Variants in GRID2 observed in about 807,000 individuals in gnomAD.
The protein encoded by GRID2 is glutamate ionotropic receptor delta type subunit 2.
Under a neutral mutation model 114.8 loss-of-function variants are expected in GRID2, and 33 were observed. That is an observed-to-expected ratio of 0.29 (90% CI 0.22 to 0.38). GRID2 has a LOEUF of 0.38. GRID2 is among the 10% of genes least tolerant of loss of function. The pLI is 1.00. For synonymous variants in GRID2, 505 were observed against 449.9 expected (o/e 1.12, Z -1.55); for missense variants, 1,184 against 1,257.7 (o/e 0.94, Z 0.89).
intron 9 of GRID2, among the ~76,000 whole-genome samples, chr4:93,412,753 A>C (rs1767326121): frequency 6.6e-6 from 1 of 151,122 alleles, no homozygotes; most frequent in Non-Finnish European, 1.5e-5. Context: ...CCCCTTGCCT[A>C]CCCCACTAAC....
At chr4:93,098,544 A>G (rs1560876366) in intron 3 of GRID2, among the ~76,000 whole-genome samples, 2 of 152,028 alleles carry the variant, frequency 1.3e-5, no homozygotes, top group Non-Finnish European at 2.9e-5. Flanking sequence ...TAGTAGGTAA[A>G]TTGTTTTAAT....
At chr4:93,443,212 A>T (rs1721781807) in intron 10 of GRID2, among the ~76,000 whole-genome samples, 1 of 151,986 alleles carries the variant, frequency 6.6e-6, no homozygotes, top group Non-Finnish European at 1.5e-5. Context: ...AGATCGTATT[A>T]CACTCTCCCT....
At chr4:93,114,367 C>G (rs543223743) in intron 4 of GRID2, among the ~76,000 whole-genome samples, 1 of 152,228 alleles carries the variant, frequency 6.6e-6, no homozygotes, top group East Asian at 1.9e-4. Context: ...TGACCCTGAA[C>G]TTTATACTTA....
At chr4:92,453,440 A>G (rs530654360) in intron 1 of GRID2, among the ~76,000 whole-genome samples, 1 of 152,292 alleles carries the variant, frequency 6.6e-6, no homozygotes, top group East Asian at 1.9e-4. Flanking sequence ...TCACGTATGT[A>G]TATTCACATA....
intron 2 of GRID2, among the ~76,000 whole-genome samples, chr4:92,903,571 T>C (rs1285501898): frequency 6.6e-6 from 1 of 151,944 alleles, no homozygotes; most frequent in Admixed American, 6.6e-5. Flanking sequence ...CCATGAATAA[T>C]TATTTTTGGC....
At chr4:92,954,189 ATG>A (rs903794314) in intron 2 of GRID2, among the ~76,000 whole-genome samples, 48 of 151,166 alleles carry the variant, frequency 3.2e-4, no homozygotes, top group African/African-American at 8.0e-4. Flanking sequence ...AAAGCATACT[ATG>A]TGTGTGTGTG....
chr4:93,627,933 G>A (rs1259813912), intron 14 of GRID2, among the ~76,000 whole-genome samples: 1 of 152,164 alleles, frequency 6.6e-6, no homozygotes, highest in Non-Finnish European at 1.5e-5. Flanking sequence ...CAGCACTTTG[G>A]GAGGCCAAGG....
intron 8 of GRID2, among the ~76,000 whole-genome samples, chr4:93,367,520 G>C (rs1379844295): frequency 3.3e-5 from 5 of 152,090 alleles, no homozygotes; most frequent in Admixed American, 3.3e-4. Flanking sequence ...GTTTAAAATA[G>C]CCTGAGAAAG....
At chr4:92,488,233 A>G (rs1722988300) in intron 1 of GRID2, among the ~76,000 whole-genome samples, 1 of 152,198 alleles carries the variant, frequency 6.6e-6, no homozygotes, top group Admixed American at 6.5e-5. Flanking sequence ...AAGTTAAAAG[A>G]GGACACCGGT....
chr4:93,058,149 A>G (rs1256102138), intron 2 of GRID2, among the ~76,000 whole-genome samples: 3 of 74,916 alleles, frequency 4.0e-5, no homozygotes, highest in African/African-American at 1.9e-4. Flanking sequence ...GATTATTAAA[A>G]TTTAATAATA....
Position 92,593,908 on chromosome 4 carries a change from G to A in GRID2, c.244+3622G>A, listed in dbSNP as rs569218850. ...TGGTATCTAGGATGTAGTGTTCTCCGTAAAAAGATAAATACAAAAAGAAAA... is the reference window on the plus strand; with the variant it reads ...TGGTATCTAGGATGTAGTGTTCTCCATAAAAAGATAAATACAAAAAGAAAA... On this transcript the variant is annotated intron_variant, in intron 2 of 15. Transcript: ENST00000282020. Among the ~76,000 whole-genome samples, 28 of 144,130 alleles carry A rather than the reference G, an allele frequency of 1.9e-4. No homozygotes were observed. In the East Asian group the frequency reaches 2.6e-3, roughly 13 times the overall value. The allele number at this position is 144,130 out of a possible 152,430, so 94.6% of individuals were successfully genotyped here. A position where few individuals can be genotyped will look rare whatever the true frequency, so the allele number is the denominator to read the frequency against.
chr4:93,499,829 C>G (rs186588391), intron 12 of GRID2, among the ~76,000 whole-genome samples: 1 of 151,820 alleles, frequency 6.6e-6, no homozygotes, highest in Admixed American at 6.6e-5. Flanking sequence ...ATTTAGTCTT[C>G]GTAATAGCCC....
At chr4:93,534,639 CA>C (rs1345239392) in intron 13 of GRID2, among the ~76,000 whole-genome samples, 4 of 152,136 alleles carry the variant, frequency 2.6e-5, no homozygotes, top group Middle Eastern at 3.4e-3. Context: ...AAATAACCCC[CA>C]AAAAATTAAA....
intron 2 of GRID2, among the ~76,000 whole-genome samples, chr4:93,075,809 T>C (rs952220557): frequency 6.1e-5 from 9 of 148,020 alleles, no homozygotes; most frequent in Non-Finnish European, 1.2e-4. Context: ...TTTGAAAAGC[T>C]AAATAAATGA....
intron 8 of GRID2, among the ~76,000 whole-genome samples, chr4:93,392,405 A>G (rs914634558): frequency 7.2e-5 from 11 of 152,308 alleles, no homozygotes; most frequent in Admixed American, 2.6e-4. Context: ...ATCAAACACT[A>G]TGCCTGTCAT....
At chr4:93,679,001 A>G (rs903094810) in intron 14 of GRID2, among the ~76,000 whole-genome samples, 8 of 151,280 alleles carry the variant, frequency 5.3e-5, no homozygotes, top group Non-Finnish European at 1.2e-4. Flanking sequence ...TAAAGAGTCA[A>G]GACCCATCAG....
chr4:92,313,081 ATGTGTGTGTGTGTGTGTGTGTG>A (rs144557382), intron 1 of GRID2, among the ~76,000 whole-genome samples: 2 of 145,114 alleles, frequency 1.4e-5, no homozygotes, highest in African/African-American at 5.1e-5. Flanking sequence ...AAACTCTGAT[ATGTGTGTGTGTGTGTGTGTGTG>A]TGTGTGTGTG....
In GRID2 at chr4:92,322,447, A is replaced by G. The variant is rs141815599; in HGVS notation, c.88+17703A>G. Among the ~76,000 whole-genome samples, 192 of 152,260 alleles carry G rather than the reference A, an allele frequency of 1.3e-3. 2 individuals carry two copies. Among genetic ancestry groups the G allele is most frequent in the African/African-American group, 4.4e-3 (183 of 41,552 alleles). ...TATTAAGATAGCTCTTGGCAAAGGA[A>G]AAATGCTTGAGGTGATAGATATCCC... On this transcript the variant is annotated intron_variant, in intron 1 of 15. Coordinates refer to ENST00000282020, the MANE Select transcript of GRID2 (RefSeq NM_001510.4).
At chr4:93,039,774 A>G (rs1346099058) in intron 2 of GRID2, among the ~76,000 whole-genome samples, 1 of 152,174 alleles carries the variant, frequency 6.6e-6, no homozygotes, top group East Asian at 1.9e-4. Flanking sequence ...GGGCATGTTT[A>G]TGCTTCAGTT....
Sources: gnomAD v4.1 joint callset for allele counts (sites outside exome capture counted in the v4.1 genomes callset) on GRCh38, gnomAD v4.1.1 for gene constraint, MANE v1.5 for transcripts, NCBI Gene and HGNC (gene_info 2026-07-23, HGNC 2026-07-21) for gene names.